The following SLC6A4 variants were observed in gnomAD, a reference collection of about 807,000 sequenced individuals.
SLC6A4 encodes solute carrier family 6 member 4.
SLC6A4 carries 22 observed loss-of-function variants against 73.4 expected under a neutral mutation model. The ratio of observed to expected loss-of-function variants is 0.30; its 90% CI spans 0.21 to 0.43. The LOEUF (loss-of-function observed/expected upper bound fraction) is 0.43. Ranked by LOEUF, SLC6A4 falls within the 20% of genes least tolerant of loss-of-function variation. The pLI, the probability that SLC6A4 is intolerant of heterozygous loss-of-function variation, is 1.00. For missense variants in SLC6A4, 593 were observed against 808.5 expected (o/e 0.73, Z 3.23); for synonymous variants, 270 against 315.5 (o/e 0.86, Z 1.53).
chr17:30,201,159 A>G (rs1906021123), intron 14 of SLC6A4, among the ~76,000 whole-genome samples: 1 of 152,182 alleles, frequency 6.6e-6, no homozygotes, highest in African/African-American at 2.4e-5. Flanking sequence ...CTCCAGCAGT[A>G]ATACCTGTGA....
At chr17:30,228,345 GA>G (rs1906988342) in intron 1 of SLC6A4, among the ~76,000 whole-genome samples, 1 of 152,196 alleles carries the variant, frequency 6.6e-6, no homozygotes, top group South Asian at 2.1e-4. Flanking sequence ...CTAGCACAGG[GA>G]AGCATCAATA....
intron 13 of SLC6A4, chr17:30,203,652 C>T (rs1400285207): frequency 6.6e-6 from 2 of 304,584 alleles, no homozygotes; most frequent in East Asian, 1.2e-4. Context: ...TCAGCACAGG[C>T]CTCTGCCCAG....
At chr17:30,218,741 T>G in intron 4 of SLC6A4, 56 bp downstream of exon 4, 2 of 1,598,052 alleles carry the variant, frequency 1.3e-6, no homozygotes, top group Non-Finnish European at 1.7e-6. Flanking sequence ...CACCCACTGA[T>G]GGAAATCCCT....
rs9896129 is a variant in SLC6A4, at chr17:30,194,882, T to G, written c.*3574A>C. 6.6e-6 allele frequency: 1 copy of G among 152,198 alleles called. No individual in the cohort carries two copies. Among genetic ancestry groups the G allele is most frequent in the African/African-American group, 2.4e-5 (1 of 41,442 alleles). 9.4% of individuals were successfully genotyped at this position (152,198 alleles called of 1,614,324 possible). On this transcript the variant is annotated 3_prime_UTR_variant, in exon 15 of 15. Transcript: ENST00000650711. ...CCCAAACGACAAAATTCTTCTTAGT[T>G]CAGTAGACATTCAAACTTATTCTGA...
In SLC6A4 at chr17:30,211,960, T is replaced by C. The variant is rs1906398976; in HGVS notation, c.1205-536A>G. The stretch of plus-strand genomic sequence containing the variant: ...TCTCATGGGTTAGCTAGGGGTGCCC[T>C]CGTTTGGGGTATGGGGTTGGTCAAA... On this transcript the variant is annotated intron_variant, in intron 9 of 14. Coordinates refer to ENST00000650711, the MANE Select transcript of SLC6A4 (RefSeq NM_001045.6). This position sits in a 1 kb window ranked among gnomAD's most constrained non-coding sequence, Gnocchi z 4.0. 6.6e-6 allele frequency among the ~76,000 whole-genome samples: 1 copy of C among 152,060 alleles called. No individual in the cohort carries two copies. Among genetic ancestry groups the C allele is most frequent in the Admixed American group, 6.5e-5 (1 of 15,268 alleles).
chr17:30,229,411 C>G (rs1051143920), intron 1 of SLC6A4, among the ~76,000 whole-genome samples: 1 of 152,130 alleles, frequency 6.6e-6, no homozygotes, highest in Non-Finnish European at 1.5e-5. Context: ...GGGGAGGGGG[C>G]TGACAATGAG....
intron 13 of SLC6A4, among the ~76,000 whole-genome samples, chr17:30,206,717 T>A (rs7217065): frequency 6.1e-5 from 2 of 33,028 alleles, no homozygotes; most frequent in Admixed American, 7.0e-4. Context: ...CTTTTCTTTT[T>A]TTTTTTTTTT....
Position 30,221,713 on chromosome 17 carries a change from C to G in SLC6A4, c.246G>C (p.Trp82Cys), listed in dbSNP as rs1906765696. 6.2e-7 allele frequency: 1 copy of G among 1,614,054 alleles called. No homozygotes were observed. Among genetic ancestry groups the G allele is most frequent in the Non-Finnish European group, 8.5e-7 (1 of 1,180,032 alleles). Residue 82 changes from tryptophan to cysteine, a missense_variant, in exon 3 of 15, where the codon TGG becomes TGC. Coordinates refer to ENST00000650711, the MANE Select transcript of SLC6A4 (RefSeq NM_001045.6). Reference sequence around the variant, plus strand: ...AGAGAAGGAAATCCACCTTCTTGCCCCAGGTCTCCCGTTCCCCTTGATGAA... The same window carrying G: ...AGAGAAGGAAATCCACCTTCTTGCCGCAGGTCTCCCGTTCCCCTTGATGAA... Reference protein sequence around the residue: ...AELHQGERETWGKKVDFLLSV... With the variant: ...AELHQGERETCGKKVDFLLSV...
At chr17:30,223,895 T>A (rs1301908236) in intron 1 of SLC6A4, among the ~76,000 whole-genome samples, 1 of 152,094 alleles carries the variant, frequency 6.6e-6, no homozygotes, top group Non-Finnish European at 1.5e-5. Context: ...CTTGATAGGC[T>A]TTTAAAATAA....
Position 30,200,107 on chromosome 17 carries a change from G to A in SLC6A4, c.1819-1577C>T, listed in dbSNP as rs555117745. On this transcript the variant is annotated intron_variant, in intron 14 of 14. Transcript: ENST00000650711. ...TGGAGCTATCACCATAGCTCAGAGA[G>A]AGAAGAGATCACCGAGGTGTTTGGT... Among the ~76,000 whole-genome samples, 16 of 152,368 alleles carry A rather than the reference G, an allele frequency of 1.1e-4. No individual in the cohort carries two copies. In the South Asian group the frequency reaches 2.5e-3, roughly 24 times the overall value.
Position 30,203,327 on chromosome 17 carries a change from T to C in SLC6A4, c.1663A>G (p.Ser555Gly), listed in dbSNP as rs1180368034. ...AGTTGTGGCGGGCTCATCAGAAAAC[T>C]GCAAATGATGAACTAAAACAGAAAT... ...SPLFLLFIIC[S>G]FLMSPPQLRL... Residue 555 changes from serine to glycine, a missense_variant, in exon 14 of 15, where the codon AGT (serine) becomes GGT (glycine). Coordinates refer to ENST00000650711, the MANE Select transcript of SLC6A4 (RefSeq NM_001045.6). 1 of 1,613,194 alleles carries C rather than the reference T, an allele frequency of 6.2e-7. No individual in the cohort carries two copies. The highest frequency in any genetic ancestry group is 2.2e-5 in the East Asian group (1 of 44,870).
intron 11 of SLC6A4, 82 bp from the exon 12 acceptor site, chr17:30,209,324 A>C: frequency 1.2e-6 from 1 of 844,428 alleles, no homozygotes; most frequent in Non-Finnish European, 1.9e-6. Flanking sequence ...GGGCTTCCTC[A>C]CTTAGAATCA....
intron 1 of SLC6A4, among the ~76,000 whole-genome samples, chr17:30,232,056 C>T (rs1405743192): frequency 6.6e-6 from 1 of 152,170 alleles, no homozygotes; most frequent in South Asian, 2.1e-4. Context: ...AATTCTTGGC[C>T]CCTTAGAGGA....
At chr17:30,217,662 C>T (rs1906620500) in intron 5 of SLC6A4, among the ~76,000 whole-genome samples, 1 of 152,206 alleles carries the variant, frequency 6.6e-6, no homozygotes, top group Non-Finnish European at 1.5e-5. Flanking sequence ...TCTCTTTGGG[C>T]TGCCATTGCC....
rs891697577 is a variant in SLC6A4 at position 30,222,004 on chromosome 17, C to T, written c.-46G>A. On this transcript the variant is annotated 5_prime_UTR_variant, in exon 3 of 15. Coordinates refer to ENST00000650711, the MANE Select transcript of SLC6A4 (RefSeq NM_001045.6). ...ACTGATGTCCATCTGCCAAGGATCC[C>T]AATTGATCTCTGGGTGCTTGGATTT... 1.2e-6 allele frequency: 2 copies of T among 1,613,012 alleles called. No individual in the cohort carries two copies. Among genetic ancestry groups the T allele is most frequent in the Non-Finnish European group, 8.5e-7 (1 of 1,179,726 alleles).
At chr17:30,232,261 A>G (rs905041583) in intron 1 of SLC6A4, among the ~76,000 whole-genome samples, 11 of 152,186 alleles carry the variant, frequency 7.2e-5, no homozygotes, top group Non-Finnish European at 1.5e-4. Flanking sequence ...AAAGCACACA[A>G]TGGGTTCGCT....
intron 1 of SLC6A4, among the ~76,000 whole-genome samples, chr17:30,228,082 C>G (rs1906983289): frequency 6.6e-6 from 1 of 152,230 alleles, no homozygotes; most frequent in Admixed American, 6.5e-5. Flanking sequence ...TGAATATAAA[C>G]AGCCAAGCCC....
chr17:30,231,668 C>G (rs1907120232), intron 1 of SLC6A4, among the ~76,000 whole-genome samples: 1 of 152,098 alleles, frequency 6.6e-6, no homozygotes, highest in African/African-American at 2.4e-5. Flanking sequence ...TGGACCATAT[C>G]TCTGATTTTT....
chr17:30,221,461 C>T (rs949485049), intron 3 of SLC6A4, among the ~76,000 whole-genome samples, 155 bp downstream of exon 3: 1 of 147,406 alleles, frequency 6.8e-6, no homozygotes, highest in African/African-American at 2.5e-5. Flanking sequence ...ACAGCCCACC[C>T]CAGGTCACAG....
Sources: allele counts gnomAD v4.1 joint callset (sites outside exome capture counted in the v4.1 genomes callset), GRCh38; gene constraint gnomAD v4.1.1; non-coding constraint Gnocchi (gnomAD v3.1); transcripts MANE v1.5; gene names NCBI Gene and HGNC (gene_info 2026-07-23, HGNC 2026-07-21).